ATP2B2: variants seen among roughly 807,000 people sequenced by gnomAD.
ATP2B2 encodes ATPase plasma membrane Ca2+ transporting 2, also known as plasma membrane calcium-transporting ATPase 2.
Under a neutral mutation model 120.0 loss-of-function variants are expected in ATP2B2, and 15 were observed. That is an observed-to-expected ratio of 0.12 (90% CI 0.08 to 0.19). The LOEUF (loss-of-function observed/expected upper bound fraction) is 0.19, where lower values mean the gene tolerates loss of function less well. ATP2B2 is among the 10% of genes least tolerant of loss of function. The pLI, the probability that ATP2B2 is intolerant of heterozygous loss-of-function variation, is 1.00. For missense variants in ATP2B2, 1,045 were observed against 1,719.8 expected (o/e 0.61, Z 6.94); for synonymous variants, 694 against 700.3 (o/e 0.99, Z 0.14).
intron 2 of ATP2B2, among the ~76,000 whole-genome samples, chr3:10,412,551 C>T (rs941638360): frequency 3.3e-5 from 5 of 152,198 alleles, no homozygotes; most frequent in Admixed American, 2.0e-4. Context: ...TTCCTCCACT[C>T]AGCACTGTGA....
In ATP2B2 at chr3:10,638,680, T is replaced by C. The variant is rs187022322; in HGVS notation, c.-459-18719A>G. Among the ~76,000 whole-genome samples the C allele has an allele frequency of 1.8e-4, 27 of 152,262 alleles. No homozygotes were observed. The South Asian group carries it at 4.4e-3, about 25-fold the overall frequency. On this transcript the variant is annotated intron_variant, in intron 1 of 21. Transcript: ENST00000646379. Reference sequence around the variant, plus strand: ...AAAAGGCAGAGATTGTCAGATTGGATTAAAAAGCAAAGTACAACTCTATGT... The same window carrying C: ...AAAAGGCAGAGATTGTCAGATTGGACTAAAAAGCAAAGTACAACTCTATGT...
intron 3 of ATP2B2, among the ~76,000 whole-genome samples, chr3:10,522,593 T>C (rs1190020026): frequency 1.3e-5 from 2 of 152,196 alleles, no homozygotes; most frequent in African/African-American, 4.8e-5. Flanking sequence ...TTGAAATAAC[T>C]TTTCTCAGTA....
At chr3:10,389,002 G>A (rs1045714648) in intron 5 of ATP2B2, among the ~76,000 whole-genome samples, 5 of 152,120 alleles carry the variant, frequency 3.3e-5, no homozygotes, top group Non-Finnish European at 5.9e-5. Context: ...GGGACCTCAT[G>A]CATTTCATTT....
intron 1 of ATP2B2, among the ~76,000 whole-genome samples, chr3:10,659,126 G>T (rs1282715623): frequency 6.6e-6 from 1 of 152,218 alleles, no homozygotes; most frequent in African/African-American, 2.4e-5. Flanking sequence ...ACTGGTTCCA[G>T]CCACTGCAAA....
chr3:10,636,747 G>T (rs574761957), intron 1 of ATP2B2, among the ~76,000 whole-genome samples: 6 of 152,258 alleles, frequency 3.9e-5, no homozygotes, highest in Middle Eastern at 3.4e-3. Context: ...GTTCAAACTG[G>T]GGGGTACCCA....
chr3:10,407,029 C>T (rs1379640932), intron 3 of ATP2B2, among the ~76,000 whole-genome samples: 1 of 152,214 alleles, frequency 6.6e-6, no homozygotes, highest in Non-Finnish European at 1.5e-5. Flanking sequence ...CCAGACCTGA[C>T]CCTGGAAGGA....
chr3:10,585,816 C>T (rs904870167), intron 2 of ATP2B2, among the ~76,000 whole-genome samples: 1 of 152,160 alleles, frequency 6.6e-6, no homozygotes, highest in African/African-American at 2.4e-5. Context: ...TTTTCCATCA[C>T]ATCACACTGT....
intron 2 of ATP2B2, among the ~76,000 whole-genome samples, chr3:10,559,001 C>T (rs2067841986): frequency 1.3e-5 from 2 of 152,212 alleles, no homozygotes; most frequent in African/African-American, 2.4e-5. Flanking sequence ...CACCTGTTAT[C>T]CCTGCCCTTC....
chr3:10,674,113 T>C (rs982275284), intron 1 of ATP2B2, among the ~76,000 whole-genome samples: 4 of 152,156 alleles, frequency 2.6e-5, no homozygotes, highest in Non-Finnish European at 5.9e-5. Flanking sequence ...GTTCCTGAAA[T>C]ACACAAGGAG....
intron 1 of ATP2B2, among the ~76,000 whole-genome samples, chr3:10,494,029 C>G (rs1352490338): frequency 6.6e-6 from 1 of 152,166 alleles, no homozygotes; most frequent in Non-Finnish European, 1.5e-5. Context: ...GGGACAGGCA[C>G]TCCATCACAA....
At chr3:10,401,113 C>T (rs2124965274) in intron 4 of ATP2B2, 35 bp from the exon 5 acceptor site, 1 of 1,612,198 alleles carries the variant, frequency 6.2e-7, no homozygotes, top group East Asian at 2.2e-5. Context: ...TCAGCAGGCT[C>T]TCAGGTGACT....
intron 1 of ATP2B2, among the ~76,000 whole-genome samples, chr3:10,473,108 G>A (rs927213289): frequency 9.9e-5 from 15 of 152,178 alleles, no homozygotes; most frequent in African/African-American, 3.6e-4. Context: ...TGGCTCCCCA[G>A]TGCCCCTAAG....
chr3:10,704,889 A>C (rs1305027304), intron 1 of ATP2B2, among the ~76,000 whole-genome samples: 1 of 152,222 alleles, frequency 6.6e-6, no homozygotes, highest in East Asian at 1.9e-4. Context: ...TCTTGTATGC[A>C]ATTTAACACA....
chr3:10,414,779 C>T (rs1390910787), intron 2 of ATP2B2, among the ~76,000 whole-genome samples: 5 of 152,140 alleles, frequency 3.3e-5, no homozygotes, highest in Admixed American at 6.5e-5. Flanking sequence ...GTCCCTCCCT[C>T]CCTCTTCCAG....
chr3:10,623,996 T>C (rs1261441756), intron 1 of ATP2B2, among the ~76,000 whole-genome samples: 2 of 152,148 alleles, frequency 1.3e-5, no homozygotes, highest in African/African-American at 4.8e-5. Context: ...TTGGACTAGC[T>C]TAGGGTCACT....
chr3:10,657,426 C>T (rs2070662621), intron 1 of ATP2B2, among the ~76,000 whole-genome samples: 1 of 152,224 alleles, frequency 6.6e-6, no homozygotes, highest in Admixed American at 6.5e-5. Context: ...TTGATGTCTC[C>T]CTCTGCCTTT....
At chr3:10,508,702 C>A (rs2066698350), upstream of ATP2B2, among the ~76,000 whole-genome samples, 1 of 152,296 alleles carries the variant, frequency 6.6e-6, no homozygotes, top group South Asian at 2.1e-4. Context: ...CCTGGCCTTC[C>A]AGGATGTGTT....
At chr3:10,553,923 C>T (rs1361419426) in intron 2 of ATP2B2, among the ~76,000 whole-genome samples, 1 of 150,732 alleles carries the variant, frequency 6.6e-6, no homozygotes, top group Non-Finnish European at 1.5e-5. Flanking sequence ...CTCCCAAATC[C>T]CAGGGGCCCC....
intron 1 of ATP2B2, among the ~76,000 whole-genome samples, chr3:10,500,649 G>A (rs1186396804): frequency 6.6e-5 from 10 of 152,080 alleles, no homozygotes; most frequent in South Asian, 4.2e-4. Context: ...GCCACTGCCC[G>A]TAGCTAGGGA....
Sources: gnomAD v4.1 joint callset for allele counts (sites outside exome capture counted in the v4.1 genomes callset) on GRCh38, gnomAD v4.1.1 for gene constraint, MANE v1.5 for transcripts, NCBI Gene and HGNC (gene_info 2026-07-23, HGNC 2026-07-21) for gene names.